Variants in EVA1A observed in about 807,000 individuals in gnomAD.
EVA1A encodes eva-1 homolog A, regulator of programmed cell death, also known as protein eva-1 homolog A.
A neutral mutation model predicts 9.8 loss-of-function variants in EVA1A; 7 were observed. The observed-to-expected ratio is 0.71, with a 90% CI of 0.41 to 1.34. EVA1A has a LOEUF of 1.34. Among genes scored for constraint, EVA1A ranks in the 40% most tolerant of loss-of-function variants. The pLI is 0.01. For synonymous variants in EVA1A, 90 were observed against 85.6 expected, an observed-to-expected ratio of 1.05 and a Z score of -0.28; for missense variants, 206 against 205.9, an observed-to-expected ratio of 1.00 and a Z score of 0.00.
At chr2:75,525,438 C>A (rs1675395357) in intron 1 of EVA1A, among the ~76,000 whole-genome samples, 1 of 152,182 alleles carries the variant, frequency 6.6e-6, no homozygotes, top group Non-Finnish European at 1.5e-5. Flanking sequence ...TCCTATCCAG[C>A]CTGTCTACCA....
chr2:75,535,944 A>T lies in EVA1A; in HGVS notation c.-191-13457T>A, dbSNP rs188369249. ...AAAGCTATTGAAATAAAATGTTTTT[A>T]AAAAAAACCATGTCCCAACTATACA... is the stretch of plus-strand genomic sequence containing the variant. On this transcript the variant is annotated intron_variant, in intron 1 of 3. Transcript: ENST00000393913. Among the ~76,000 whole-genome samples the T allele has an allele frequency of 5.1e-3, 782 of 152,140 alleles. 4 individuals carry two copies. The highest frequency in any genetic ancestry group is 0.013 in the African/African-American group (523 of 41,478).
At chr2:75,566,172 G>A (rs946125824) in intron 1 of EVA1A, among the ~76,000 whole-genome samples, 4 of 152,122 alleles carry the variant, frequency 2.6e-5, no homozygotes, top group Admixed American at 1.3e-4. Flanking sequence ...TACTAACATC[G>A]CCTAGACACC....
intron 1 of EVA1A, among the ~76,000 whole-genome samples, chr2:75,552,682 AACCCTGTCTACCATGCAT>A (rs1676567957): frequency 6.6e-6 from 1 of 152,204 alleles, no homozygotes; most frequent in African/African-American, 2.4e-5. Context: ...CATTGTATGT[AACCCTGTCTACCATGCAT>A]ACCATCCATA....
intron 3 of EVA1A, among the ~76,000 whole-genome samples, chr2:75,501,483 T>C (rs1372418534): frequency 1.3e-5 from 2 of 152,188 alleles, no homozygotes; most frequent in Admixed American, 6.5e-5. Context: ...TCACACACTT[T>C]GGTTTAGGAG....
chr2:75,531,912 C>T (rs6547006), intron 1 of EVA1A, among the ~76,000 whole-genome samples: 46,572 of 151,950 alleles, frequency 0.31, 8,905 homozygotes, highest in African/African-American at 0.54. Flanking sequence ...GTAATCCCAG[C>T]ACTTTGGGAG....
chr2:75,499,059 A>G (rs939479961), intron 3 of EVA1A, among the ~76,000 whole-genome samples: 1 of 152,242 alleles, frequency 6.6e-6, no homozygotes, highest in Non-Finnish European at 1.5e-5. Context: ...GACAGGCTGG[A>G]ATGGGCCTGA....
At chr2:75,538,035 A>C (rs1415017031) in intron 1 of EVA1A, among the ~76,000 whole-genome samples, 1 of 152,178 alleles carries the variant, frequency 6.6e-6, no homozygotes, top group African/African-American at 2.4e-5. Flanking sequence ...CACACCTGTA[A>C]TCCCAGCACT....
At chr2:75,552,750 G>A (rs1676569850) in intron 1 of EVA1A, among the ~76,000 whole-genome samples, 2 of 152,158 alleles carry the variant, frequency 1.3e-5, no homozygotes, top group Non-Finnish European at 2.9e-5. Flanking sequence ...ATAAGACAGA[G>A]GCTCAGAGAC....
Position 75,542,156 on chromosome 2 carries a change from G to A in EVA1A, c.-192+18524C>T, listed in dbSNP as rs561606145. 4.5e-3 allele frequency: 694 copies of A among 153,728 alleles called. 4 individuals carry two copies. Among genetic ancestry groups the A allele is most frequent in the Middle Eastern group, 0.01 (3 of 298 alleles). 9.5% of individuals were successfully genotyped at this position (153,728 alleles called of 1,614,324 possible). A position where few individuals can be genotyped will look rare whatever the true frequency, so the allele number is the denominator to read the frequency against. On this transcript the variant is annotated intron_variant, in intron 1 of 3. Coordinates refer to ENST00000393913, the MANE Select transcript of EVA1A (RefSeq NM_001135032.2). The stretch of plus-strand genomic sequence containing the variant: ...CTGCCATCCACGTAAGATGTGACTT[G>A]CTCCTCCTTGCCTTCTGCCATGATT...
upstream of EVA1A, among the ~76,000 whole-genome samples, chr2:75,563,004 A>G (rs1349434380): frequency 6.6e-6 from 1 of 152,244 alleles, no homozygotes; most frequent in Admixed American, 6.5e-5. Flanking sequence ...GGCTGGAGAA[A>G]GGACACCTGG....
chr2:75,551,967 G>A (rs969002100), intron 1 of EVA1A, among the ~76,000 whole-genome samples: 1 of 152,094 alleles, frequency 6.6e-6, no homozygotes, highest in Non-Finnish European at 1.5e-5. Context: ...GATCACTTGA[G>A]GCCAGAAGTT....
chr2:75,521,472 G>A (rs1355426190), intron 2 of EVA1A, among the ~76,000 whole-genome samples: 4 of 152,144 alleles, frequency 2.6e-5, no homozygotes, highest in African/African-American at 9.7e-5. Flanking sequence ...ATAAAATGTT[G>A]TCTACACATA....
intron 1 of EVA1A, among the ~76,000 whole-genome samples, chr2:75,533,864 T>A (rs897194759): frequency 1.8e-4 from 28 of 151,924 alleles, no homozygotes; most frequent in African/African-American, 6.5e-4. Context: ...CAGGCTGGAG[T>A]GCAGTGGCGC....
chr2:75,516,031 G>C (rs1376861346), intron 3 of EVA1A, among the ~76,000 whole-genome samples: 1 of 152,252 alleles, frequency 6.6e-6, no homozygotes, highest in Non-Finnish European at 1.5e-5. Flanking sequence ...GTGGATAGGA[G>C]AGGAGGCAAC....
chr2:75,541,530 C>A (rs1425803762), intron 1 of EVA1A, among the ~76,000 whole-genome samples: 1 of 152,148 alleles, frequency 6.6e-6, no homozygotes, highest in Non-Finnish European at 1.5e-5. Flanking sequence ...GAGTTATTTA[C>A]TGCCTCAAGT....
At chr2:75,568,319 T>A (rs915730881) in intron 1 of EVA1A, among the ~76,000 whole-genome samples, 3 of 150,714 alleles carry the variant, frequency 2.0e-5, no homozygotes, top group African/African-American at 7.3e-5. Context: ...AATCAATAAT[T>A]ATTATTAAAT....
chr2:75,508,454 A>C (rs1015765752), intron 3 of EVA1A, among the ~76,000 whole-genome samples: 2 of 152,186 alleles, frequency 1.3e-5, no homozygotes, highest in African/African-American at 2.4e-5. Flanking sequence ...TAGCACTCCC[A>C]GGCTTATTAG....
At chr2:75,539,323 G>C (rs1311719047) in intron 1 of EVA1A, among the ~76,000 whole-genome samples, 2 of 152,198 alleles carry the variant, frequency 1.3e-5, no homozygotes, top group Non-Finnish European at 2.9e-5. Flanking sequence ...TATGATGCCA[G>C]TAAACAGAAC....
chr2:75,501,891 C>T (rs1382321689), intron 3 of EVA1A, among the ~76,000 whole-genome samples: 1 of 152,170 alleles, frequency 6.6e-6, no homozygotes, highest in Non-Finnish European at 1.5e-5. Flanking sequence ...TGAAGAGAAC[C>T]TGCCTAGGTT....
Sources: allele counts gnomAD v4.1 joint callset (sites outside exome capture counted in the v4.1 genomes callset), GRCh38; gene constraint gnomAD v4.1.1; transcripts MANE v1.5; gene names NCBI Gene and HGNC (gene_info 2026-07-23, HGNC 2026-07-21).